PRKCA: variants seen among roughly 807,000 people sequenced by gnomAD.
PRKCA encodes protein kinase C alpha type.
In PRKCA, 27 loss-of-function variants were observed where a neutral mutation model predicts 87.0. That is an observed-to-expected ratio of 0.31 (90% confidence interval 0.23 to 0.43). The LOEUF (loss-of-function observed/expected upper bound fraction) is 0.43, where lower values mean the gene tolerates loss of function less well. PRKCA is among the 20% of genes least tolerant of loss of function. The probability of loss-of-function intolerance (pLI) is 1.00; values close to 1 mark genes in which losing one functional copy is unlikely to be tolerated. For missense variants in PRKCA, 518 were observed against 852.3 expected, an observed-to-expected ratio of 0.61 and a Z score of 4.88; for synonymous variants, 329 against 311.1, an observed-to-expected ratio of 1.06 and a Z score of -0.61.
At position 66,493,340 on chromosome 17, in the gene PRKCA, CAT is replaced by C. The variant is rs571331720; in HGVS notation, c.206-2857_206-2856del. ...GTGTGTGTGTGTATGTCTATTTTGTCATATACCCATTTTCCTGTTACCCATGT... is the reference window on the plus strand; with the variant it reads ...GTGTGTGTGTGTATGTCTATTTTGTCATACCCATTTTCCTGTTACCCATGT... On this transcript the variant is annotated intron_variant, in intron 2 of 16. Coordinates refer to ENST00000413366, the MANE Select transcript of PRKCA (RefSeq NM_002737.3). 6.3e-5 allele frequency among the ~76,000 whole-genome samples: 9 copies of C among 143,076 alleles called. No homozygotes were observed. In the East Asian group the frequency reaches 1.8e-3, roughly 29 times the overall value. The allele number at this position is 143,076 out of a possible 152,430, so 93.9% of individuals were successfully genotyped here.
At chr17:66,388,270 A>G (rs1279173686) in intron 2 of PRKCA, among the ~76,000 whole-genome samples, 3 of 151,818 alleles carry the variant, frequency 2.0e-5, no homozygotes, top group Admixed American at 2.0e-4. Context: ...GAAGATAGAG[A>G]TATCTGAGTC....
intron 5 of PRKCA, chr17:66,676,400 G>A (rs1217271739): frequency 1.3e-5 from 2 of 152,294 alleles, no homozygotes; most frequent in African/African-American, 4.8e-5. Context: ...CAAGCCCTGA[G>A]CTCTGGAAAA....
At chr17:66,345,842 A>G (rs2143386874) in intron 2 of PRKCA, among the ~76,000 whole-genome samples, 1 of 152,326 alleles carries the variant, frequency 6.6e-6, no homozygotes, top group South Asian at 2.1e-4. Context: ...TTATAGCCCT[A>G]ATAAAAAATG....
intron 3 of PRKCA, among the ~76,000 whole-genome samples, chr17:66,496,570 A>G (rs947224365): frequency 1.3e-5 from 2 of 152,180 alleles, no homozygotes; most frequent in African/African-American, 2.4e-5. Context: ...CACAAACACA[A>G]TGCAGTTGTT....
chr17:66,325,609 C>T lies in PRKCA; in HGVS notation c.205+19482C>T, dbSNP rs117899208. 1.5e-3 allele frequency among the ~76,000 whole-genome samples: 221 copies of T among 152,232 alleles called. 2 individuals are homozygous for T. The highest frequency in any genetic ancestry group is 0.011 in the East Asian group (58 of 5,160). ...GTAGAGTGTCCTATTCATAAATCCA[C>T]AGGAGAGAAAGTCATGTTGGAAACA... On this transcript the variant is annotated intron_variant, in intron 2 of 16. Coordinates refer to ENST00000413366, the MANE Select transcript of PRKCA (RefSeq NM_002737.3).
At chr17:66,470,953 T>C (rs1915299464) in intron 2 of PRKCA, among the ~76,000 whole-genome samples, 2 of 152,118 alleles carry the variant, frequency 1.3e-5, no homozygotes, top group African/African-American at 4.8e-5. Context: ...AAAAGAAATA[T>C]GCCCTTTTCT....
intron 8 of PRKCA, among the ~76,000 whole-genome samples, chr17:66,706,515 C>T (rs1176229299): frequency 6.6e-6 from 1 of 151,160 alleles, no homozygotes; most frequent in African/African-American, 2.4e-5. Flanking sequence ...TGATGGCAGG[C>T]ACCTGTAGTC....
At chr17:66,414,644 TG>T (rs1889108896) in intron 2 of PRKCA, among the ~76,000 whole-genome samples, 1 of 152,104 alleles carries the variant, frequency 6.6e-6, no homozygotes, top group South Asian at 2.1e-4. Context: ...ATGACCAGCT[TG>T]GCAGTGGATC....
intron 2 of PRKCA, chr17:66,340,138 C>T (rs1906950956): frequency 6.6e-6 from 1 of 152,100 alleles, no homozygotes. Flanking sequence ...TTGTATTAAA[C>T]TCTTTGGGGA....
intron 8 of PRKCA, among the ~76,000 whole-genome samples, chr17:66,695,656 A>G (rs936376992): frequency 1.3e-5 from 2 of 152,222 alleles, no homozygotes; most frequent in Non-Finnish European, 2.9e-5. Flanking sequence ...CTCTTACTGT[A>G]ACCGTAACTT....
In PRKCA at chr17:66,796,365, G is replaced by A. The variant is rs142100782; in HGVS notation, c.1854+7386G>A. 24 of 890,134 alleles carry A rather than the reference G, an allele frequency of 2.7e-5. No homozygotes were observed. In the East Asian group the frequency reaches 3.6e-4, roughly 13 times the overall value. 55.1% of individuals were successfully genotyped at this position (890,134 alleles called of 1,614,324 possible). Reference sequence around the variant, plus strand: ...CACGTGGGTTTATAGCATTCTTTGCGTGTCCATTCCCGATTCTGGACTTGC... The same window carrying A: ...CACGTGGGTTTATAGCATTCTTTGCATGTCCATTCCCGATTCTGGACTTGC... On this transcript the variant is annotated intron_variant, in intron 16 of 16. Coordinates refer to ENST00000413366, the MANE Select transcript of PRKCA (RefSeq NM_002737.3).
intron 13 of PRKCA, among the ~76,000 whole-genome samples, chr17:66,773,506 TTTTTTTTTAATTAAAAAAA>T (rs1320127575): frequency 1.3e-5 from 2 of 151,060 alleles, no homozygotes; most frequent in Non-Finnish European, 3.0e-5. Flanking sequence ...TTTTTTTTTT[TTTTTTTTTAATTAAAAAAA>T]TTTTTTTTAA....
At chr17:66,466,886 A>G (rs1291400358) in intron 2 of PRKCA, among the ~76,000 whole-genome samples, 1 of 151,930 alleles carries the variant, frequency 6.6e-6, no homozygotes, top group African/African-American at 2.4e-5. Flanking sequence ...AAAAAAAAAA[A>G]GACTTAAATT....
intron 13 of PRKCA, among the ~76,000 whole-genome samples, chr17:66,767,939 A>G (rs1568022507): frequency 6.6e-6 from 1 of 152,128 alleles, no homozygotes; most frequent in Non-Finnish European, 1.5e-5. Flanking sequence ...TAGCCTATTA[A>G]GCGTCTTCCC....
At chr17:66,333,344 G>T (rs963947410) in intron 2 of PRKCA, among the ~76,000 whole-genome samples, 4 of 152,174 alleles carry the variant, frequency 2.6e-5, no homozygotes, top group African/African-American at 7.2e-5. Flanking sequence ...ATTAATGAAA[G>T]AACTCAATCT....
chr17:66,729,258 G>A (rs1366453417), intron 8 of PRKCA, among the ~76,000 whole-genome samples: 1 of 152,102 alleles, frequency 6.6e-6, no homozygotes, highest in Non-Finnish European at 1.5e-5. Context: ...AAAAAAATTA[G>A]CTTGGTTTGG....
intron 13 of PRKCA, among the ~76,000 whole-genome samples, chr17:66,753,491 T>C (rs907674217): frequency 3.3e-5 from 5 of 152,288 alleles, no homozygotes; most frequent in East Asian, 1.9e-4. Context: ...ATGTCAATAG[T>C]ACATTCTTAG....
In PRKCA at chr17:66,376,014, T is replaced by C. The variant is rs777265545; in HGVS notation, c.205+69887T>C. On this transcript the variant is annotated intron_variant, in intron 2 of 16. Coordinates refer to ENST00000413366, the MANE Select transcript of PRKCA (RefSeq NM_002737.3). ...ATCTCAGCAAAGACTTCATTGTTTATTCAGTATATATTTATTGACTTCCTT... is the reference window on the plus strand; with the variant it reads ...ATCTCAGCAAAGACTTCATTGTTTACTCAGTATATATTTATTGACTTCCTT... 7.9e-5 allele frequency among the ~76,000 whole-genome samples: 12 copies of C among 152,198 alleles called. No homozygotes were observed. The South Asian group carries it at 1.0e-3, about 13-fold the overall frequency.
intron 3 of PRKCA, among the ~76,000 whole-genome samples, chr17:66,535,407 T>C (rs1171877368): frequency 3.9e-5 from 6 of 152,236 alleles, no homozygotes; most frequent in Admixed American, 2.6e-4. Flanking sequence ...TATGTATTGA[T>C]GTCTTGTGGG....
Sources: allele counts gnomAD v4.1 joint callset (sites outside exome capture counted in the v4.1 genomes callset), GRCh38; gene constraint gnomAD v4.1.1; transcripts MANE v1.5; gene names NCBI Gene and HGNC (gene_info 2026-07-23, HGNC 2026-07-21).